The following ASB3 variants were observed in gnomAD, a reference collection of about 807,000 sequenced individuals.
ASB3 encodes the protein ankyrin repeat and SOCS box protein 3.
Under a neutral mutation model 54.5 loss-of-function variants are expected in ASB3, and 41 were observed. The ratio of observed to expected loss-of-function variants is 0.75; its 90% CI spans 0.59 to 0.98. The LOEUF is 0.98. Among genes scored for constraint, ASB3 ranks in the 50% least tolerant of loss-of-function variants. The pLI, the probability that ASB3 is intolerant of heterozygous loss-of-function variation, is 0.00. For missense variants in ASB3, 733 were observed against 620.0 expected (o/e 1.18, Z -1.94); for synonymous variants, 266 against 221.2 (o/e 1.20, Z -1.80).
At chr2:53,747,380 T>C (rs757358146) in intron 3 of ASB3, among the ~76,000 whole-genome samples, 3 of 152,124 alleles carry the variant, frequency 2.0e-5, no homozygotes, top group African/African-American at 4.8e-5. Context: ...ACCCCATCTC[T>C]ACTAAAAATA....
intron 9 of ASB3, among the ~76,000 whole-genome samples, chr2:53,672,561 T>C (rs542933658): frequency 8.5e-5 from 13 of 152,334 alleles, no homozygotes; most frequent in East Asian, 7.7e-4. Flanking sequence ...TGAACAATAA[T>C]TGGTCAGTTA....
At chr2:53,729,329 C>T in intron 4 of ASB3, 129 bp downstream of exon 4, 1 of 803,742 alleles carries the variant, frequency 1.2e-6, no homozygotes, top group East Asian at 2.7e-5. Context: ...ATTTAGACTG[C>T]CTTTTCTGTA....
chr2:53,693,616 TAAAAG>T (rs1298527185), intron 9 of ASB3, among the ~76,000 whole-genome samples: 4 of 152,096 alleles, frequency 2.6e-5, no homozygotes. Flanking sequence ...TTATTAAAAA[TAAAAG>T]GATATCATAA....
intron 3 of ASB3, among the ~76,000 whole-genome samples, chr2:53,729,771 T>C (rs1277203096): frequency 6.6e-6 from 1 of 152,188 alleles, no homozygotes; most frequent in Non-Finnish European, 1.5e-5. Context: ...TGATTTTCAA[T>C]AGCATGTTAA....
intron 3 of ASB3, among the ~76,000 whole-genome samples, chr2:53,744,384 C>CAATAA (rs1672110469): frequency 7.1e-6 from 1 of 139,874 alleles, no homozygotes; most frequent in African/African-American, 2.8e-5. Flanking sequence ...GACTCTGTCT[C>CAATAA]AAAAAAATAA....
At chr2:53,751,653 C>T (rs2104009920) in intron 2 of ASB3, among the ~76,000 whole-genome samples, 1 of 151,868 alleles carries the variant, frequency 6.6e-6, no homozygotes, top group African/African-American at 2.4e-5. Context: ...TTTCTGAGAG[C>T]TGGAATAAAC....
chr2:53,786,061 T>G (rs1674968842), intron 1 of ASB3, among the ~76,000 whole-genome samples: 1 of 152,204 alleles, frequency 6.6e-6, no homozygotes, highest in African/African-American at 2.4e-5. Context: ...CGACCAGTCT[T>G]TAACAGATCT....
At chr2:53,704,969 A>G (rs557181815) in intron 7 of ASB3, among the ~76,000 whole-genome samples, 5 of 152,324 alleles carry the variant, frequency 3.3e-5, no homozygotes, top group African/African-American at 1.2e-4. Flanking sequence ...TCTAGATGAG[A>G]TAAGTGACTA....
chr2:53,700,618 G>T (rs908976039), intron 7 of ASB3, 90 bp from the exon 8 acceptor site: 86 of 1,476,418 alleles, frequency 5.8e-5, no homozygotes, highest in Non-Finnish European at 7.5e-5. Flanking sequence ...GTTACAGCTG[G>T]GGAATAAGTA....
intron 7 of ASB3, among the ~76,000 whole-genome samples, chr2:53,712,281 G>A (rs1670142616): frequency 6.6e-6 from 1 of 151,666 alleles, no homozygotes; most frequent in African/African-American, 2.4e-5. Flanking sequence ...TGAAGTAAAT[G>A]CCACTAAATA....
rs200784873 is a variant in ASB3 at position 53,753,740 on chromosome 2, G to A, written c.197-2799C>T. ...CAACCTCCACCTCCCAGGTTCAAGCGATTCTCCTGCTTCAGCCTCCCGAGT... is the reference window on the plus strand; with the variant it reads ...CAACCTCCACCTCCCAGGTTCAAGCAATTCTCCTGCTTCAGCCTCCCGAGT... On this transcript the variant is annotated intron_variant, in intron 2 of 9. Transcript: ENST00000263634. 5.7e-4 allele frequency among the ~76,000 whole-genome samples: 87 copies of A among 151,676 alleles called. 2 individuals are homozygous for A. In the East Asian group the frequency reaches 0.012, roughly 22 times the overall value.
rs757738523 is a variant in ASB3 at position 53,670,292 on chromosome 2, A to ATTT, written c.*208_*210dup. 1.5e-4 allele frequency: 26 copies of ATTT among 178,742 alleles called. No homozygotes were observed. The highest frequency in any genetic ancestry group is 2.7e-4 in the African/African-American group (9 of 33,046). The allele number at this position is 178,742 out of a possible 1,614,324, so 11.1% of individuals were successfully genotyped here. A position where few individuals can be genotyped will look rare whatever the true frequency, so the allele number is the denominator to read the frequency against. ...TAAAGTAATATAAGTGATGTTTACA[A>ATTT]TTTTTTTTTTTTTTTTTTTTTTTTT... On this transcript the variant is annotated 3_prime_UTR_variant, in exon 10 of 10. Transcript: ENST00000263634.
intron 8 of ASB3, among the ~76,000 whole-genome samples, chr2:53,697,762 T>A (rs977572907): frequency 1.3e-5 from 2 of 152,120 alleles, no homozygotes; most frequent in Non-Finnish European, 1.5e-5. Context: ...TCCAAGATAA[T>A]CTTCCCTGAC....
At chr2:53,700,612 C>T in intron 7 of ASB3, 84 bp from the exon 8 acceptor site, 1 of 1,490,984 alleles carries the variant, frequency 6.7e-7, no homozygotes. Context: ...ATAGTAGTTA[C>T]AGCTGGGGAA....
intron 1 of ASB3, among the ~76,000 whole-genome samples, chr2:53,782,974 C>G (rs914934296): frequency 2.2e-4 from 34 of 152,140 alleles, no homozygotes; most frequent in African/African-American, 7.5e-4. Flanking sequence ...TTCGGAGAGA[C>G]AGGGTTTCAC....
chr2:53,686,227 G>A (rs1029464750), intron 9 of ASB3, among the ~76,000 whole-genome samples: 4 of 152,070 alleles, frequency 2.6e-5, no homozygotes, highest in African/African-American at 9.7e-5. Context: ...TTCTACTTCT[G>A]GATGGTTATT....
At chr2:53,744,950 AG>A (rs1171684065) in intron 3 of ASB3, among the ~76,000 whole-genome samples, 12 of 152,248 alleles carry the variant, frequency 7.9e-5, no homozygotes, top group Admixed American at 7.8e-4. Context: ...AAGCAAACTC[AG>A]AAAAACAAAA....
chr2:53,758,157 C>T (rs766170462), intron 2 of ASB3, among the ~76,000 whole-genome samples: 1 of 152,226 alleles, frequency 6.6e-6, no homozygotes, highest in East Asian at 1.9e-4. Context: ...CCCTATAACA[C>T]TCCAATACTA....
At chr2:53,755,722 G>A (rs1482939093) in intron 2 of ASB3, among the ~76,000 whole-genome samples, 3 of 152,226 alleles carry the variant, frequency 2.0e-5, no homozygotes, top group African/African-American at 4.8e-5. Flanking sequence ...AAGATGCATG[G>A]AAGAAGTCAG....
Sources: gnomAD v4.1 joint callset for allele counts (sites outside exome capture counted in the v4.1 genomes callset) on GRCh38, gnomAD v4.1.1 for gene constraint, MANE v1.5 for transcripts, NCBI Gene and HGNC (gene_info 2026-07-23, HGNC 2026-07-21) for gene names.